The following PTPRD variants were observed in gnomAD, a reference collection of about 807,000 sequenced individuals.
The protein encoded by PTPRD is receptor-type tyrosine-protein phosphatase delta.
In PTPRD, 34 loss-of-function variants were observed where a neutral mutation model predicts 214.5. The ratio of observed to expected loss-of-function variants is 0.16; its 90% confidence interval spans 0.12 to 0.21. PTPRD has a LOEUF of 0.21. Ranked by LOEUF, PTPRD falls within the 10% of genes least tolerant of loss-of-function variation. PTPRD has a pLI of 1.00. For synonymous variants in PTPRD, 1,128 were observed against 845.7 expected (o/e 1.33, Z -5.79); for missense variants, 2,545 against 2,398.7 (o/e 1.06, Z -1.27).
intron 10 of PTPRD, among the ~76,000 whole-genome samples, chr9:9,155,933 G>A (rs552256442): frequency 4.6e-5 from 7 of 152,148 alleles, no homozygotes; most frequent in African/African-American, 1.7e-4. Flanking sequence ...TCCTGCTTTA[G>A]CTTCCTTGAA....
chr9:9,032,127 C>T (rs748064877), intron 10 of PTPRD, among the ~76,000 whole-genome samples: 4 of 151,716 alleles, frequency 2.6e-5, no homozygotes, highest in Non-Finnish European at 5.9e-5. Context: ...TCCTGTTTTG[C>T]GTGAGGGTCT....
intron 2 of PTPRD, among the ~76,000 whole-genome samples, chr9:10,484,020 T>C (rs1464761817): frequency 1.3e-5 from 2 of 152,050 alleles, no homozygotes; most frequent in Non-Finnish European, 2.9e-5. Flanking sequence ...GAAATCAAAA[T>C]AAGTGTCCAA....
At position 10,389,281 on chromosome 9, in the gene PTPRD, A is replaced by T. The variant is rs186089122; in HGVS notation, c.-599-48264T>A. ...ACAGTGACTCATTTAAATATTATTG[A>T]CACAATGAAATGCTCCCAGTGTGAG... On this transcript the variant is annotated intron_variant, in intron 2 of 45. Coordinates refer to ENST00000381196, the MANE Select transcript of PTPRD (RefSeq NM_002839.4). Among the ~76,000 whole-genome samples, 236 of 152,012 alleles carry T rather than the reference A, an allele frequency of 1.6e-3. 1 individual carries two copies. Among genetic ancestry groups the T allele is most frequent in the African/African-American group, 5.5e-3 (227 of 41,534 alleles).
intron 23 of PTPRD, 136 bp from the exon 24 acceptor site, chr9:8,501,195 C>T (rs1348268978): frequency 1.5e-6 from 1 of 674,256 alleles, no homozygotes; most frequent in East Asian, 2.7e-5. Context: ...GGCTTTGAAA[C>T]TTAAATTCTA....
intron 5 of PTPRD, among the ~76,000 whole-genome samples, chr9:9,932,711 C>G (rs1412785163): frequency 9.5e-6 from 1 of 104,926 alleles, no homozygotes; most frequent in African/African-American, 4.0e-5. Context: ...CGTTCAGATT[C>G]AGGAAATACA....
chr9:8,639,518 T>C (rs1309747195), intron 12 of PTPRD, among the ~76,000 whole-genome samples: 1 of 152,216 alleles, frequency 6.6e-6, no homozygotes, highest in Non-Finnish European at 1.5e-5. Flanking sequence ...CAAGAACATG[T>C]GAATACATTG....
chr9:9,398,141 T>C (rs988042501), intron 8 of PTPRD, among the ~76,000 whole-genome samples: 2 of 141,310 alleles, frequency 1.4e-5, no homozygotes, highest in African/African-American at 5.0e-5. Context: ...CTTCCTTCCA[T>C]ACTTCGGTTT....
At chr9:10,570,053 A>G (rs761004204) in intron 2 of PTPRD, among the ~76,000 whole-genome samples, 1 of 152,166 alleles carries the variant, frequency 6.6e-6, no homozygotes, top group Non-Finnish European at 1.5e-5. Flanking sequence ...TGTCAAATGT[A>G]TAAAGTGTAA....
chr9:9,513,691 G>A (rs1431348018), intron 8 of PTPRD, among the ~76,000 whole-genome samples: 1 of 151,610 alleles, frequency 6.6e-6, no homozygotes, highest in African/African-American at 2.4e-5. Context: ...CAGACATGAA[G>A]AACTGAAGTA....
At chr9:8,768,495 G>C (rs1268096142) in intron 11 of PTPRD, among the ~76,000 whole-genome samples, 2 of 152,180 alleles carry the variant, frequency 1.3e-5, no homozygotes, top group African/African-American at 4.8e-5. Context: ...GGAGGCTGCA[G>C]TGAGCACAGA....
chr9:9,559,537 G>T (rs942320618), intron 8 of PTPRD, among the ~76,000 whole-genome samples: 1 of 152,208 alleles, frequency 6.6e-6, no homozygotes, highest in East Asian at 1.9e-4. Context: ...CTGCTTGGCT[G>T]TCTCAGCCTC....
intron 8 of PTPRD, among the ~76,000 whole-genome samples, chr9:9,455,437 A>G (rs1241606666): frequency 6.6e-6 from 1 of 151,668 alleles, no homozygotes; most frequent in East Asian, 1.9e-4. Context: ...CATCATAACA[A>G]TACCAACAGT....
chr9:8,378,743 A>C (rs2084018899), intron 37 of PTPRD, among the ~76,000 whole-genome samples: 1 of 152,124 alleles, frequency 6.6e-6, no homozygotes, highest in South Asian at 2.1e-4. Flanking sequence ...CAATGCACTG[A>C]ACCAAATTCA....
intron 2 of PTPRD, among the ~76,000 whole-genome samples, chr9:10,467,460 C>A (rs2099002193): frequency 6.6e-6 from 1 of 152,114 alleles, no homozygotes; most frequent in African/African-American, 2.4e-5. Context: ...CTGCACCCTC[C>A]CCATATTACT....
At chr9:8,783,934 A>G (rs900023414) in intron 11 of PTPRD, among the ~76,000 whole-genome samples, 3 of 152,166 alleles carry the variant, frequency 2.0e-5, no homozygotes, top group African/African-American at 7.2e-5. Flanking sequence ...TAAAGTTTTT[A>G]TTTTACTCAC....
intron 3 of PTPRD, among the ~76,000 whole-genome samples, chr9:10,112,670 G>A (rs890872187): frequency 3.3e-5 from 5 of 152,108 alleles, no homozygotes; most frequent in African/African-American, 9.7e-5. Flanking sequence ...TAAAAGTCAC[G>A]GTAAGGGAAC....
At chr9:8,673,956 G>A (rs1167365342) in intron 12 of PTPRD, among the ~76,000 whole-genome samples, 4 of 152,048 alleles carry the variant, frequency 2.6e-5, no homozygotes, top group Non-Finnish European at 1.5e-5. Flanking sequence ...AACCAAAAAC[G>A]TCTCCAAACG....
At chr9:9,426,649 C>CACCT (rs1268890311) in intron 8 of PTPRD, among the ~76,000 whole-genome samples, 18 of 152,174 alleles carry the variant, frequency 1.2e-4, no homozygotes, top group Non-Finnish European at 2.4e-4. Flanking sequence ...AACTGGAAGG[C>CACCT]ACCTCCCAGT....
intron 39 of PTPRD, among the ~76,000 whole-genome samples, chr9:8,360,002 C>T (rs1461449561): frequency 6.6e-6 from 1 of 152,180 alleles, no homozygotes; most frequent in African/African-American, 2.4e-5. Flanking sequence ...AGGCTACTCT[C>T]CAGGTTGTCT....
Sources: gnomAD v4.1 joint callset for allele counts (sites outside exome capture counted in the v4.1 genomes callset) on GRCh38, gnomAD v4.1.1 for gene constraint, MANE v1.5 for transcripts, NCBI Gene and HGNC (gene_info 2026-07-23, HGNC 2026-07-21) for gene names.